The following TLE4 variants were observed in gnomAD, a reference collection of about 807,000 sequenced individuals.
TLE4 encodes the protein transducin-like enhancer protein 4.
Under a neutral mutation model 92.8 loss-of-function variants are expected in TLE4, and 8 were observed. That is an observed-to-expected ratio of 0.09 (90% CI 0.05 to 0.16). The LOEUF (loss-of-function observed/expected upper bound fraction) is 0.16, where lower values mean the gene tolerates loss of function less well. Ranked by LOEUF, TLE4 falls within the 10% of genes least tolerant of loss-of-function variation. The pLI, the probability that TLE4 is intolerant of heterozygous loss-of-function variation, is 1.00. For synonymous variants in TLE4, 371 were observed against 374.1 expected, an observed-to-expected ratio of 0.99 and a Z score of 0.10; for missense variants, 675 against 997.6, an observed-to-expected ratio of 0.68 and a Z score of 4.36.
At chr9:79,722,387 AC>A in intron 17 of TLE4, 63 bp from the exon 18 acceptor site, 1 of 1,564,928 alleles carries the variant, frequency 6.4e-7, no homozygotes, top group Non-Finnish European at 8.7e-7. Context: ...AAGAGATAGT[AC>A]CTCCCAGATA....
At chr9:79,695,153 C>A (rs898910685) in intron 8 of TLE4, among the ~76,000 whole-genome samples, 1 of 152,120 alleles carries the variant, frequency 6.6e-6, no homozygotes, top group African/African-American at 2.4e-5. Flanking sequence ...TGCATGCCCA[C>A]CCAGTGGCCA....
intron 6 of TLE4, among the ~76,000 whole-genome samples, chr9:79,650,144 G>A (rs1198932376): frequency 1.3e-5 from 2 of 152,014 alleles, no homozygotes; most frequent in Non-Finnish European, 2.9e-5. Flanking sequence ...TCAAACTCCT[G>A]GGCTCAAGTG....
intron 6 of TLE4, among the ~76,000 whole-genome samples, chr9:79,629,636 C>T (rs2053653403): frequency 6.6e-6 from 1 of 152,202 alleles, no homozygotes; most frequent in South Asian, 2.1e-4. Flanking sequence ...TCTGATGAGT[C>T]TTCCAAACTC....
intron 8 of TLE4, among the ~76,000 whole-genome samples, chr9:79,672,678 C>G (rs149715034): frequency 6.6e-6 from 1 of 152,266 alleles, no homozygotes; most frequent in African/African-American, 2.4e-5. Flanking sequence ...TACTCTTTAT[C>G]ACCTACCTGA....
rs150365561 is a variant in TLE4 at position 79,576,896 on chromosome 9, T to C, written c.252+719T>C. ...GTGCAGGAGACTGAATAAAATGGTTTGGCTTAAATTTCCTAGACAGAAGAA... is the reference window on the plus strand; with the variant it reads ...GTGCAGGAGACTGAATAAAATGGTTCGGCTTAAATTTCCTAGACAGAAGAA... On this transcript the variant is annotated intron_variant, in intron 4 of 19. Transcript: ENST00000376552. 3.3e-3 allele frequency: 506 copies of C among 152,052 alleles called. 3 individuals carry two copies. The highest frequency in any genetic ancestry group is 0.011 in the African/African-American group (468 of 41,496). 9.4% of individuals were successfully genotyped at this position (152,052 alleles called of 1,614,324 possible). A position where few individuals can be genotyped will look rare whatever the true frequency, so the allele number is the denominator to read the frequency against.
intron 14 of TLE4, among the ~76,000 whole-genome samples, chr9:79,714,418 T>C (rs2074053910): frequency 6.6e-6 from 1 of 152,214 alleles, no homozygotes; most frequent in African/African-American, 2.4e-5. Flanking sequence ...TGTGTAGTTA[T>C]TATTGAATGA....
chr9:79,719,753 G>A (rs1238080239), intron 15 of TLE4, among the ~76,000 whole-genome samples: 1 of 152,200 alleles, frequency 6.6e-6, no homozygotes, highest in Non-Finnish European at 1.5e-5. Context: ...GTATCTGTGT[G>A]TGCAAATGAT....
chr9:79,624,359 A>G (rs2051919536), intron 5 of TLE4, among the ~76,000 whole-genome samples: 1 of 152,018 alleles, frequency 6.6e-6, no homozygotes, highest in Non-Finnish European at 1.5e-5. Context: ...GGTGTGGCTG[A>G]GTGAGCTAAT....
intron 4 of TLE4, among the ~76,000 whole-genome samples, chr9:79,597,928 C>T (rs1286116729): frequency 6.6e-6 from 1 of 151,986 alleles, no homozygotes; most frequent in Non-Finnish European, 1.5e-5. Flanking sequence ...CACCCTTGGC[C>T]ACCATATTTA....
chr9:79,583,389 G>C (rs1021052876), intron 4 of TLE4, among the ~76,000 whole-genome samples: 1 of 152,126 alleles, frequency 6.6e-6, no homozygotes, highest in Non-Finnish European at 1.5e-5. Context: ...TCTCTTTTGA[G>C]GATTTGCCCA....
intron 19 of TLE4, among the ~76,000 whole-genome samples, 183 bp from the exon 20 acceptor site, chr9:79,724,849 TAAAAA>T (rs947971071): frequency 3.5e-4 from 9 of 25,986 alleles, no homozygotes; most frequent in African/African-American, 9.7e-4. Flanking sequence ...CCTGTCTTAT[TAAAAA>T]AAAAAAAAAA....
chr9:79,709,635 C>T lies in TLE4; in HGVS notation c.1276C>T (p.Pro426Ser). 6.2e-7 allele frequency: 1 copy of T among 1,613,926 alleles called. No individual in the cohort carries two copies. ...YGRSPVVGFD[P>S]HHHMRVPAIP... ...GGAAAAATTCTAGGTGGGATTTGAT[C>T]CACACCATCACATGCGTGTGCCAGC... Residue 426 changes from proline (P) to serine (S), a missense_variant, in exon 14 of 20, where the codon CCA (proline) becomes TCA (serine). Pro to Ser is a moderately conservative substitution (Grantham distance 74). Around this residue, in one of 5 missense-constraint regions of TLE4, gnomAD observed 119 missense variants for 175.9 expected, o/e 0.68. Transcript: ENST00000376552.
Position 79,576,148 on chromosome 9 carries a change from T to G in TLE4, c.223T>G (p.Tyr75Asp). 1 of 1,533,038 alleles carries G rather than the reference T, an allele frequency of 6.5e-7. No homozygotes were observed. The highest frequency in any genetic ancestry group is 8.8e-7 in the Non-Finnish European group (1 of 1,133,656). The allele number at this position is 1,533,038 out of a possible 1,614,324, so 95.0% of individuals were successfully genotyped here. A position where few individuals can be genotyped will look rare whatever the true frequency, so the allele number is the denominator to read the frequency against. The change falls in exon 4 of 20, where the codon TAT becomes GAT. Residue 75 changes from tyrosine to aspartate, a missense_variant. Physicochemically the swap from Tyr to Asp is radical, Grantham distance 160 (BLOSUM62 -3). Coordinates refer to ENST00000376552, the MANE Select transcript of TLE4 (RefSeq NM_007005.6). ...TCTTTGACAGTATTATGAAATGTCCTATGGGTTGAATATAGAAATGCACAA... is the reference window on the plus strand; with the variant it reads ...TCTTTGACAGTATTATGAAATGTCCGATGGGTTGAATATAGAAATGCACAA... The part of the protein sequence containing the change: ...RHYVMYYEMS[Y>D]GLNIEMHKQA...
intron 4 of TLE4, among the ~76,000 whole-genome samples, chr9:79,584,224 A>C (rs1295959556): frequency 5.3e-5 from 8 of 152,190 alleles, no homozygotes; most frequent in African/African-American, 1.9e-4. Flanking sequence ...CAACATGAGG[A>C]GCATGGTGAT....
At chr9:79,718,677 T>C in intron 14 of TLE4, 45 bp from the exon 15 acceptor site, 1 of 1,573,180 alleles carries the variant, frequency 6.4e-7, no homozygotes, top group East Asian at 2.3e-5. Flanking sequence ...TTAAGTGACA[T>C]TTTTTTACAT....
intron 4 of TLE4, among the ~76,000 whole-genome samples, chr9:79,578,942 C>CAAAAA (rs11322127): frequency 3.0e-4 from 30 of 101,284 alleles, no homozygotes; most frequent in Admixed American, 1.2e-3. Context: ...GCAGATGAAG[C>CAAAAA]AAAAAAAAAA....
intron 6 of TLE4, among the ~76,000 whole-genome samples, chr9:79,638,690 T>C (rs1248654099): frequency 6.6e-6 from 1 of 152,042 alleles, no homozygotes; most frequent in East Asian, 1.9e-4. Flanking sequence ...TTCCCTAGAG[T>C]GTTTCTGGGT....
intron 6 of TLE4, among the ~76,000 whole-genome samples, chr9:79,630,390 G>A (rs2053853283): frequency 1.3e-5 from 2 of 152,144 alleles, no homozygotes; most frequent in South Asian, 2.1e-4. Context: ...TAAAACTGTT[G>A]ATAGATTGAA....
intron 8 of TLE4, among the ~76,000 whole-genome samples, chr9:79,681,165 T>C (rs554842883): frequency 2.0e-5 from 3 of 152,172 alleles, no homozygotes; most frequent in Non-Finnish European, 4.4e-5. Context: ...ATACTTAGTA[T>C]TTAACACCAA....
Sources: gnomAD v4.1 joint callset for allele counts (sites outside exome capture counted in the v4.1 genomes callset) on GRCh38, gnomAD v4.1.1 for gene constraint, gnomAD v4.1.1 regional missense constraint, MANE v1.5 for transcripts, NCBI Gene and HGNC (gene_info 2026-07-23, HGNC 2026-07-21) for gene names.